The following GCDH variants were observed in gnomAD, a reference collection of about 807,000 sequenced individuals.
GCDH encodes glutaryl-CoA dehydrogenase.
Under a neutral mutation model 52.8 loss-of-function variants are expected in GCDH, and 31 were observed. The observed-to-expected ratio is 0.59, with a 90% CI of 0.44 to 0.79. The LOEUF is 0.79. Ranked by LOEUF, GCDH falls within the 30% of genes least tolerant of loss-of-function variation. The pLI, the probability that GCDH is intolerant of heterozygous loss-of-function variation, is 0.00. For synonymous variants in GCDH, 242 were observed against 250.0 expected, an observed-to-expected ratio of 0.97 and a Z score of 0.30; for missense variants, 509 against 595.0, an observed-to-expected ratio of 0.86 and a Z score of 1.50.
intron 11 of GCDH, chr19:12,899,220 G>T: frequency 3.2e-6 from 3 of 933,772 alleles, no homozygotes; most frequent in Admixed American, 2.2e-5. Flanking sequence ...TTGGGTTTTT[G>T]TTTTTTTCTG....
rs1013749296 is a variant in GCDH at position 12,891,952 on chromosome 19, C to T, written c.249C>T (p.Ile83=). Residue 83 remains isoleucine, a synonymous_variant, in exon 4 of 12, where the codon ATC becomes ATT. Coordinates refer to ENST00000222214, the MANE Select transcript of GCDH (RefSeq NM_000159.4). The part of the protein sequence containing the change: ...TYCQERLMPR[I]LLANRNEVFH... ...GCCAGGAGAGACTCATGCCTCGCAT[C>T]CTGTTGGCCAATCGCAACGAAGGTG... The T allele has an allele frequency of 2.5e-6, 4 of 1,614,222 alleles. No homozygotes were observed. The highest frequency in any genetic ancestry group is 3.4e-6 in the Non-Finnish European group (4 of 1,180,044).
rs1970682724 is a variant in GCDH at position 12,896,425 on chromosome 19, A to C, written c.852+4A>C. 6.8e-6 allele frequency: 11 copies of C among 1,609,596 alleles called. No individual in the cohort carries two copies. The highest frequency in any genetic ancestry group is 9.3e-6 in the Non-Finnish European group (11 of 1,177,558). On this transcript the variant is annotated splice_donor_region_variant and intron_variant, in intron 8 of 11. Coordinates refer to ENST00000222214, the MANE Select transcript of GCDH (RefSeq NM_000159.4). This position sits in a 1 kb window ranked among gnomAD's most constrained non-coding sequence, Gnocchi z 5.5. ...CCCTGGTGCATCCAGCCTGGGGGTA[A>C]GTGGCAGCCACTTTGGGAATGGGTG...
intron 5 of GCDH, 111 bp downstream of exon 5, chr19:12,892,289 TCTTTC>T (rs1264314447): frequency 1.0e-6 from 1 of 986,066 alleles, no homozygotes; most frequent in African/African-American, 1.6e-5. Flanking sequence ...CTTTTCCTTT[TCTTTC>T]CTTTCTTCTT....
At chr19:12,897,191 T>G in intron 9 of GCDH, 112 bp from the exon 10 acceptor site, 1 of 1,413,284 alleles carries the variant, frequency 7.1e-7, no homozygotes, top group South Asian at 1.2e-5. Flanking sequence ...CAGGGCAAGC[T>G]TGGGGGCACT....
intron 6 of GCDH, chr19:12,894,249 C>A: frequency 9.6e-7 from 1 of 1,042,712 alleles, no homozygotes; most frequent in Non-Finnish European, 1.5e-6. Flanking sequence ...TTGCTGTTGA[C>A]GCTCTGGGTG....
Position 12,896,002 on chromosome 19 carries a change from G to C in GCDH, c.516G>C (p.Glu172Asp). Residue 172 changes from glutamate (E) to aspartate (D), a missense_variant, in exon 7 of 12, where the codon GAG becomes GAC. By Grantham distance (45) the Glu-to-Asp change is conservative. Coordinates refer to ENST00000222214, the MANE Select transcript of GCDH (RefSeq NM_000159.4). This position sits in a 1 kb window ranked among gnomAD's most constrained non-coding sequence, Gnocchi z 5.5. ...GTCTTGTGCCTGCAGCCAAGGGGGA[G>C]CTCCTGGGCTGCTTCGGGCTCACAG... ...QKYLPQLAKG[E>D]LLGCFGLTEP... The C allele has an allele frequency of 6.2e-7, 1 of 1,614,048 alleles. No homozygotes were observed. The highest frequency in any genetic ancestry group is 1.3e-5 in the African/African-American group (1 of 75,038).
chr19:12,894,519 T>C, intron 6 of GCDH: 1 of 689,274 alleles, frequency 1.5e-6, no homozygotes, highest in South Asian at 1.6e-5. Flanking sequence ...GAGACTATGA[T>C]GCCTCGTCAC....
chr19:12,898,004 G>A (rs763138536), intron 11 of GCDH, 141 bp downstream of exon 11: 2 of 727,906 alleles, frequency 2.7e-6, no homozygotes, highest in African/African-American at 1.7e-5. Context: ...TTACCCCTCT[G>A]TCCCTCATCT....
chr19:12,893,413 T>G, intron 5 of GCDH, 70 bp from the exon 6 acceptor site: 1 of 1,375,210 alleles, frequency 7.3e-7, no homozygotes, highest in Non-Finnish European at 1.0e-6. Context: ...TATTCAGCCC[T>G]GTCTCTTGGG....
Position 12,899,741 on chromosome 19 carries a change from T to C in GCDH, c.*200T>C, listed in dbSNP as rs1269441946. On this transcript the variant is annotated 3_prime_UTR_variant, in exon 12 of 12. Transcript: ENST00000222214. ...CTTAAAAAGAAGATGGAATTCTCTG[T>C]AGAGCGTCTCAATCCACTTTTAACC... is the stretch of plus-strand genomic sequence containing the variant. The C allele has an allele frequency of 1.9e-6, 3 of 1,611,758 alleles. No homozygotes were observed. Among genetic ancestry groups the C allele is most frequent in the Non-Finnish European group, 2.5e-6 (3 of 1,178,740 alleles).
intron 5 of GCDH, 136 bp downstream of exon 5, chr19:12,892,314 C>A (rs1333738209): frequency 1.2e-6 from 1 of 836,900 alleles, no homozygotes; most frequent in Non-Finnish European, 1.9e-6. Flanking sequence ...TCCCCCCCAA[C>A]AGAGTCTGGC....
intron 11 of GCDH, among the ~76,000 whole-genome samples, chr19:12,898,540 A>G (rs770263745): frequency 1.1e-4 from 17 of 150,722 alleles, no homozygotes; most frequent in Middle Eastern, 3.4e-3. Flanking sequence ...GGGTGGGGGG[A>G]TCCTACAAAT....
chr19:12,895,936 A>T, intron 6 of GCDH, 56 bp from the exon 7 acceptor site: 1 of 1,608,770 alleles, frequency 6.2e-7, no homozygotes, highest in South Asian at 1.1e-5. Flanking sequence ...ATAATTTTTG[A>T]GTAAGGGGAT....
rs2145938937 is a variant in GCDH at position 12,891,525 on chromosome 19, A to G, written c.127+3A>G. The G allele has an allele frequency of 6.2e-7, 1 of 1,614,204 alleles. No individual in the cohort carries two copies. Among genetic ancestry groups the G allele is most frequent in the East Asian group, 2.2e-5 (1 of 44,892 alleles). On this transcript the variant is annotated splice_donor_region_variant and intron_variant, in intron 3 of 11. Transcript: ENST00000222214. ...AACACAGAGCCAACTGGCTAAGTGTAAGGACCTCTGGTCGCACCGTGTGTC... is the reference window on the plus strand; with the variant it reads ...AACACAGAGCCAACTGGCTAAGTGTGAGGACCTCTGGTCGCACCGTGTGTC...
chr19:12,891,879 A>G lies in GCDH; in HGVS notation c.176A>G (p.Gln59Arg), dbSNP rs1970565023. Reference protein sequence around the residue: ...DWQDPLVLEEQLTTDEILIRD... With the variant: ...DWQDPLVLEERLTTDEILIRD... The stretch of plus-strand genomic sequence containing the variant: ...CAGGACCCGCTGGTGCTGGAGGAGC[A>G]GCTGACCACAGATGAGATCCTCATC... The change falls in exon 4 of 12, where the codon CAG becomes CGG. Residue 59 changes from glutamine (Q) to arginine (R), a missense_variant. By Grantham distance (43) the Gln-to-Arg change is conservative. Coordinates refer to ENST00000222214, the MANE Select transcript of GCDH (RefSeq NM_000159.4). The G allele has an allele frequency of 1.2e-6, 2 of 1,614,160 alleles. No homozygotes were observed. Among genetic ancestry groups the G allele is most frequent in the Non-Finnish European group, 1.7e-6 (2 of 1,179,984 alleles).
At position 12,895,891 on chromosome 19, in the gene GCDH, A is replaced by T. The variant is rs1970663275; in HGVS notation, c.506-101A>T. On this transcript the variant is annotated intron_variant, in intron 6 of 11. Transcript: ENST00000222214. The stretch of plus-strand genomic sequence containing the variant: ...TGCCTTGGCCTCCTAAAGTGCTGGG[A>T]TGACAGGCGTGAGCCACTGCACCCC... 2.1e-6 allele frequency: 3 copies of T among 1,449,662 alleles called. No individual in the cohort carries two copies. In the Admixed American group the frequency reaches 5.0e-5, roughly 24 times the overall value. The allele number at this position is 1,449,662 out of a possible 1,614,324, so 89.8% of individuals were successfully genotyped here.
chr19:12,894,037 T>C (rs955577800), intron 6 of GCDH: 2 of 618,532 alleles, frequency 3.2e-6, no homozygotes, highest in Non-Finnish European at 5.7e-6. Flanking sequence ...CCCATGTCTA[T>C]TAGAAAAACA....
intron 3 of GCDH, 58 bp downstream of exon 3, chr19:12,891,580 G>T (rs771159682): frequency 3.1e-6 from 5 of 1,613,850 alleles, no homozygotes; most frequent in Non-Finnish European, 8.5e-7. Context: ...TCTGTCTGCC[G>T]CAGGTGGACT....
chr19:12,891,638 C>T (rs1166956519), intron 3 of GCDH, 116 bp downstream of exon 3: 1 of 1,609,550 alleles, frequency 6.2e-7, no homozygotes, highest in African/African-American at 1.3e-5. Flanking sequence ...AGGGTCGTGG[C>T]CAGGGTCAGA....
Sources: allele counts gnomAD v4.1 joint callset (sites outside exome capture counted in the v4.1 genomes callset), GRCh38; gene constraint gnomAD v4.1.1; non-coding constraint Gnocchi (gnomAD v3.1); transcripts MANE v1.5; gene names NCBI Gene and HGNC (gene_info 2026-07-23, HGNC 2026-07-21).